Variants in NRG1 observed in about 807,000 individuals in gnomAD.
NRG1 encodes pro-neuregulin-1, membrane-bound isoform.
Under a neutral mutation model 63.8 loss-of-function variants are expected in NRG1, and 18 were observed. The ratio of observed to expected loss-of-function variants is 0.28; its 90% CI spans 0.19 to 0.42. The LOEUF is 0.42. NRG1 is among the 10% of genes least tolerant of loss of function. The pLI, the probability that NRG1 is intolerant of heterozygous loss-of-function variation, is 1.00. For missense variants in NRG1, 762 were observed against 814.7 expected, an observed-to-expected ratio of 0.94 and a Z score of 0.79; for synonymous variants, 302 against 301.3, an observed-to-expected ratio of 1.00 and a Z score of -0.02.
intron 1 of NRG1, among the ~76,000 whole-genome samples, chr8:31,721,368 A>G (rs1037832088): frequency 2.0e-5 from 3 of 152,168 alleles, no homozygotes; most frequent in Admixed American, 2.0e-4. Flanking sequence ...TCATTCTGCT[A>G]TCTTTTAGAA....
At chr8:31,928,849 G>A (rs574605716) in intron 1 of NRG1, among the ~76,000 whole-genome samples, 7 of 152,196 alleles carry the variant, frequency 4.6e-5, no homozygotes, top group Admixed American at 2.0e-4. Context: ...GTGGTATAAC[G>A]GACATTGGAG....
At chr8:32,426,519 A>T (rs1156394912) in intron 1 of NRG1, among the ~76,000 whole-genome samples, 2 of 152,200 alleles carry the variant, frequency 1.3e-5, no homozygotes, top group Non-Finnish European at 2.9e-5. Context: ...AAACAAAAGA[A>T]CTTCAGGTTG....
Position 31,977,116 on chromosome 8 carries a change from G to A in NRG1, c.37+337685G>A, listed in dbSNP as rs543970135. Among the ~76,000 whole-genome samples, 3 of 152,234 alleles carry A rather than the reference G, an allele frequency of 2.0e-5. No individual in the cohort carries two copies. The East Asian group carries it at 5.8e-4, about 29-fold the overall frequency. On this transcript the variant is annotated intron_variant, in intron 1 of 10. Coordinates refer to the NRG1 transcript ENST00000519301. Reference sequence around the variant, plus strand: ...AAATTACCAATGTAATTTCCTCGTTGTCATTCCGCAAACCATCTATGTTCA... The same window carrying A: ...AAATTACCAATGTAATTTCCTCGTTATCATTCCGCAAACCATCTATGTTCA...
At chr8:32,320,330 C>T (rs1188121897) in intron 1 of NRG1, among the ~76,000 whole-genome samples, 1 of 152,080 alleles carries the variant, frequency 6.6e-6, no homozygotes, top group East Asian at 1.9e-4. Context: ...CTAGACTTAT[C>T]CTGCTAATTT....
intron 1 of NRG1, among the ~76,000 whole-genome samples, chr8:32,394,337 T>C (rs1198338970): frequency 1.3e-5 from 2 of 152,226 alleles, no homozygotes; most frequent in Admixed American, 1.3e-4. Context: ...TCTTTCCTGT[T>C]ATCCAGCTCC....
At chr8:32,309,994 T>G (rs1213632295) in intron 1 of NRG1, among the ~76,000 whole-genome samples, 1 of 152,234 alleles carries the variant, frequency 6.6e-6, no homozygotes, top group Non-Finnish European at 1.5e-5. Context: ...TTTTGCTCAA[T>G]GAACTTGATT....
At chr8:32,274,053 T>G (rs1851825130) in intron 1 of NRG1, among the ~76,000 whole-genome samples, 1 of 152,138 alleles carries the variant, frequency 6.6e-6, no homozygotes, top group South Asian at 2.1e-4. Context: ...TTTGAACACA[T>G]GGCTGGTGGA....
intron 1 of NRG1, among the ~76,000 whole-genome samples, chr8:31,737,467 A>G (rs1403406245): frequency 1.3e-5 from 2 of 152,166 alleles, no homozygotes; most frequent in African/African-American, 4.8e-5. Flanking sequence ...GACACTTACT[A>G]GGGACACAAT....
chr8:32,233,220 G>A (rs1327163557), intron 1 of NRG1, among the ~76,000 whole-genome samples: 4 of 151,906 alleles, frequency 2.6e-5, no homozygotes, highest in African/African-American at 9.7e-5. Context: ...ACCTACTTCA[G>A]CCTCCCCAGT....
At chr8:32,016,030 G>T (rs1268417982) in intron 1 of NRG1, among the ~76,000 whole-genome samples, 1 of 152,072 alleles carries the variant, frequency 6.6e-6, no homozygotes, top group African/African-American at 2.4e-5. Context: ...ATTGAGGTCA[G>T]TCTGAAATGA....
At chr8:32,455,948 A>AT (rs1341096906) in intron 1 of NRG1, among the ~76,000 whole-genome samples, 5 of 152,092 alleles carry the variant, frequency 3.3e-5, no homozygotes, top group African/African-American at 9.7e-5. Context: ...CGCCCAGCTA[A>AT]TTTTTTTGTA....
At chr8:31,642,997 T>TGA (rs1803947981) in intron 1 of NRG1, among the ~76,000 whole-genome samples, 2 of 151,826 alleles carry the variant, frequency 1.3e-5, no homozygotes, top group African/African-American at 4.9e-5. Context: ...TGTGTGTGTG[T>TGA]GTGAGAGAGA....
intron 1 of NRG1, among the ~76,000 whole-genome samples, chr8:31,792,250 C>A (rs1158706882): frequency 6.6e-6 from 1 of 152,178 alleles, no homozygotes; most frequent in African/African-American, 2.4e-5. Flanking sequence ...CTTTTCCTAG[C>A]TGTTCAAATG....
intron 1 of NRG1, among the ~76,000 whole-genome samples, chr8:32,247,534 A>G (rs1214162589): frequency 6.6e-6 from 1 of 152,148 alleles, no homozygotes; most frequent in Non-Finnish European, 1.5e-5. Context: ...GATATCAAAG[A>G]CAGTTTCAGA....
chr8:32,247,570 G>A (rs912424802), intron 1 of NRG1, among the ~76,000 whole-genome samples: 3 of 152,068 alleles, frequency 2.0e-5, no homozygotes, highest in Non-Finnish European at 4.4e-5. Context: ...TTAGGAATCA[G>A]TTTTGGGAGG....
chr8:32,157,358 CAAAA>C (rs11434397), intron 1 of NRG1, among the ~76,000 whole-genome samples: 7 of 58,588 alleles, frequency 1.2e-4, no homozygotes, highest in Admixed American at 2.1e-4. Context: ...GACTCTGTCT[CAAAA>C]AAAAAAAAAA....
chr8:32,576,556 A>G (rs1839670783), intron 1 of NRG1, among the ~76,000 whole-genome samples: 1 of 152,058 alleles, frequency 6.6e-6, no homozygotes, highest in Non-Finnish European at 1.5e-5. Context: ...TTTTTTCTTA[A>G]AAAAACAAAA....
At chr8:31,968,283 T>C (rs888612793) in intron 1 of NRG1, among the ~76,000 whole-genome samples, 1 of 152,180 alleles carries the variant, frequency 6.6e-6, no homozygotes, top group Non-Finnish European at 1.5e-5. Context: ...GAGTGCTGTA[T>C]TGAGAAGGAT....
intron 1 of NRG1, among the ~76,000 whole-genome samples, chr8:32,219,005 A>C (rs570486571): frequency 4.6e-5 from 7 of 152,288 alleles, no homozygotes; most frequent in Non-Finnish European, 7.3e-5. Context: ...TGTTATTAGA[A>C]CATTACTTAT....
Sources: allele counts gnomAD v4.1 joint callset (sites outside exome capture counted in the v4.1 genomes callset), GRCh38; gene constraint gnomAD v4.1.1; transcripts MANE v1.5; gene names NCBI Gene and HGNC (gene_info 2026-07-23, HGNC 2026-07-21).